Variants in PUM1 observed in about 807,000 individuals in gnomAD.
The protein encoded by PUM1 is pumilio homolog 1.
In PUM1, 13 loss-of-function variants were observed where a neutral mutation model predicts 131.8. The observed-to-expected ratio is 0.10, with a 90% CI of 0.06 to 0.16. The LOEUF (loss-of-function observed/expected upper bound fraction) is 0.16, where lower values mean the gene tolerates loss of function less well. Among genes scored for constraint, PUM1 ranks in the 10% least tolerant of loss-of-function variants. The probability of loss-of-function intolerance (pLI) is 1.00; values close to 1 mark genes in which losing one functional copy is unlikely to be tolerated. For synonymous variants in PUM1, 509 were observed against 556.5 expected, an observed-to-expected ratio of 0.91 and a Z score of 1.20; for missense variants, 961 against 1,512.4, an observed-to-expected ratio of 0.64 and a Z score of 6.05.
At chr1:31,045,417 G>A (rs1643928236) in intron 2 of PUM1, among the ~76,000 whole-genome samples, 1 of 152,056 alleles carries the variant, frequency 6.6e-6, no homozygotes, top group Non-Finnish European at 1.5e-5. Flanking sequence ...GGAATTACAG[G>A]CTTGAGCCAC....
intron 20 of PUM1, 111 bp from the exon 21 acceptor site, chr1:30,936,946 T>C: frequency 2.1e-6 from 2 of 934,434 alleles, no homozygotes; most frequent in African/African-American, 1.7e-5. Context: ...GAGAGAGCTA[T>C]TTAACATTTG....
At chr1:30,951,455 G>A (rs1639929841) in intron 16 of PUM1, among the ~76,000 whole-genome samples, 1 of 152,184 alleles carries the variant, frequency 6.6e-6, no homozygotes, top group African/African-American at 2.4e-5. Context: ...CAAACAGGAT[G>A]AGATGTTAAG....
At chr1:30,950,990 G>GA (rs34790102) in intron 16 of PUM1, among the ~76,000 whole-genome samples, 2 of 152,080 alleles carry the variant, frequency 1.3e-5, no homozygotes, top group Non-Finnish European at 2.9e-5. Context: ...GTTGGGAGGG[G>GA]AAAAATCAGT....
At chr1:30,938,019 G>A (rs553555789) in intron 20 of PUM1, among the ~76,000 whole-genome samples, 28 of 152,018 alleles carry the variant, frequency 1.8e-4, no homozygotes, top group Middle Eastern at 3.4e-3. Context: ...CAATCTGCCC[G>A]CCTCAGCCTC....
At chr1:30,991,372 A>G (rs1641784022) in intron 7 of PUM1, among the ~76,000 whole-genome samples, 1 of 152,232 alleles carries the variant, frequency 6.6e-6, no homozygotes, top group Admixed American at 6.5e-5. Context: ...TATTGTTCAT[A>G]AACGACACAG....
At chr1:31,034,512 T>C (rs941338126) in intron 2 of PUM1, among the ~76,000 whole-genome samples, 1 of 152,110 alleles carries the variant, frequency 6.6e-6, no homozygotes, top group East Asian at 1.9e-4. Flanking sequence ...TGGTGGCTAA[T>C]TGACGTATAA....
rs567050188 is a variant in PUM1, at chr1:30,963,542, C to T, written c.2323+1132G>A. Among the ~76,000 whole-genome samples the T allele has an allele frequency of 9.8e-5, 15 of 152,326 alleles. No homozygotes were observed. In the East Asian group the frequency reaches 2.5e-3, roughly 25 times the overall value. On this transcript the variant is annotated intron_variant, in intron 14 of 21. Transcript: ENST00000426105. ...TCGCCTCTTTCAAACTCAAAGCTATCACTCCTAGGTCTAGAATAATAAGTC... is the reference window on the plus strand; with the variant it reads ...TCGCCTCTTTCAAACTCAAAGCTATTACTCCTAGGTCTAGAATAATAAGTC...
chr1:30,996,793 AG>A (rs1641994845), intron 5 of PUM1, among the ~76,000 whole-genome samples: 1 of 152,236 alleles, frequency 6.6e-6, no homozygotes, highest in African/African-American at 2.4e-5. Context: ...AAAGGCAAAA[AG>A]ATCTTTCAAA....
At chr1:31,052,452 C>T (rs1644134715) in intron 2 of PUM1, among the ~76,000 whole-genome samples, 1 of 151,560 alleles carries the variant, frequency 6.6e-6, no homozygotes, top group African/African-American at 2.4e-5. Flanking sequence ...GTCACACAGG[C>T]TGGAGTGCCT....
chr1:30,957,123 C>CACACAG (rs1466815533), intron 14 of PUM1, among the ~76,000 whole-genome samples: 1 of 150,408 alleles, frequency 6.6e-6, no homozygotes, highest in Non-Finnish European at 1.5e-5. Context: ...CACACACACA[C>CACACAG]AGCTTTTATT....
intron 9 of PUM1, among the ~76,000 whole-genome samples, chr1:30,975,853 G>T (rs558794850): frequency 1.2e-4 from 18 of 152,050 alleles, no homozygotes; most frequent in African/African-American, 4.1e-4. Context: ...AGGCCAAGTT[G>T]GGTGGATCAC....
At chr1:31,005,803 G>T (rs748162763) in intron 5 of PUM1, 50 bp downstream of exon 5, 12 of 1,203,536 alleles carry the variant, frequency 1.0e-5, no homozygotes, top group Non-Finnish European at 1.1e-5. Flanking sequence ...GAGAGAGAGA[G>T]AGAGAGAGAG....
intron 5 of PUM1, among the ~76,000 whole-genome samples, chr1:30,996,644 T>G (rs1407240758): frequency 6.6e-6 from 1 of 152,276 alleles, no homozygotes; most frequent in Non-Finnish European, 1.5e-5. Flanking sequence ...ACCACAGCTT[T>G]GACGGCCATT....
chr1:31,059,427 T>A lies in PUM1; in HGVS notation c.140A>T (p.Gln47Leu), dbSNP rs778594393. ...VLTSGTGSQAQPQPAANQALA... is the reference protein window; with the variant it reads ...VLTSGTGSQALPQPAANQALA... ...AGCCTGATTTGCAGCTGGTTGTGGC[T>A]GCGCTTGCGACCCTGTTCCAGATGT... is the stretch of plus-strand genomic sequence containing the variant. The change falls in exon 2 of 22, where the codon CAG becomes CTG. Residue 47 changes from glutamine (Q) to leucine (L), a missense_variant. Around this residue, in one of 4 missense-constraint regions of PUM1, gnomAD observed 654 missense variants for 923.9 expected, o/e 0.71. Transcript: ENST00000426105. 1.9e-6 allele frequency: 3 copies of A among 1,614,200 alleles called. No homozygotes were observed. The highest frequency in any genetic ancestry group is 2.5e-6 in the Non-Finnish European group (3 of 1,180,034).
intron 2 of PUM1, among the ~76,000 whole-genome samples, chr1:31,049,397 T>C (rs542916655): frequency 6.6e-6 from 1 of 151,612 alleles, no homozygotes; most frequent in Admixed American, 6.6e-5. Context: ...GTGCCGGTAA[T>C]CCCAGCTACT....
chr1:31,026,641 G>A (rs1643232321), intron 3 of PUM1, among the ~76,000 whole-genome samples: 1 of 152,170 alleles, frequency 6.6e-6, no homozygotes, highest in Non-Finnish European at 1.5e-5. Flanking sequence ...CACATGCCTT[G>A]CAGTGGGAGG....
At chr1:31,035,401 A>C (rs1643574619) in intron 2 of PUM1, among the ~76,000 whole-genome samples, 1 of 151,906 alleles carries the variant, frequency 6.6e-6, no homozygotes, top group African/African-American at 2.4e-5. Flanking sequence ...AAAAGAAAAA[A>C]AAAAAAGTCA....
At chr1:31,006,242 C>A (rs757598623) in intron 4 of PUM1, among the ~76,000 whole-genome samples, 4 of 152,154 alleles carry the variant, frequency 2.6e-5, no homozygotes, top group Non-Finnish European at 4.4e-5. Context: ...AGGAATACAA[C>A]AGTTTATCTA....
At chr1:31,048,478 T>A (rs1339934977) in intron 2 of PUM1, among the ~76,000 whole-genome samples, 1 of 151,200 alleles carries the variant, frequency 6.6e-6, no homozygotes, top group African/African-American at 2.4e-5. Context: ...TTTTTATTTT[T>A]TTTATTTTTT....
Sources: allele counts gnomAD v4.1 joint callset (sites outside exome capture counted in the v4.1 genomes callset), GRCh38; gene constraint gnomAD v4.1.1; regional missense constraint gnomAD v4.1.1; transcripts MANE v1.5; gene names NCBI Gene and HGNC (gene_info 2026-07-23, HGNC 2026-07-21).